HS6ST3: variants seen among roughly 807,000 people sequenced by gnomAD.
The protein encoded by HS6ST3 is heparan sulfate 6-O-sulfotransferase 3.
HS6ST3 carries 12 observed loss-of-function variants against 36.7 expected under a neutral mutation model. That is an observed-to-expected ratio of 0.33 (90% CI 0.21 to 0.53). The LOEUF is 0.53. Among genes scored for constraint, HS6ST3 ranks in the 20% least tolerant of loss-of-function variants. The pLI is 0.95. For synonymous variants in HS6ST3, 240 were observed against 257.5 expected (o/e 0.93, Z 0.65); for missense variants, 584 against 640.9 (o/e 0.91, Z 0.96).
chr13:96,658,257 C>CTCTTCT (rs1359185452), intron 1 of HS6ST3, among the ~76,000 whole-genome samples: 20 of 103,470 alleles, frequency 1.9e-4, no homozygotes, highest in South Asian at 1.8e-3. Context: ...TCTTCTTCTT[C>CTCTTCT]TCTTCTTCTT....
At chr13:96,159,497 T>A (rs1171502836) in intron 1 of HS6ST3, among the ~76,000 whole-genome samples, 1 of 152,180 alleles carries the variant, frequency 6.6e-6, no homozygotes, top group Admixed American at 6.5e-5. Flanking sequence ...GAATTCCGGG[T>A]CACATCTTTC....
At chr13:96,573,861 C>T in intron 1 of HS6ST3, 1 of 452,914 alleles carries the variant, frequency 2.2e-6, no homozygotes, top group Non-Finnish European at 4.3e-6. Flanking sequence ...ACGAATGAAT[C>T]CAGCATCAGG....
At chr13:96,634,381 A>T (rs1161850509) in intron 1 of HS6ST3, among the ~76,000 whole-genome samples, 2 of 152,160 alleles carry the variant, frequency 1.3e-5, no homozygotes, top group Admixed American at 6.5e-5. Context: ...TTGTGTCACC[A>T]GTACTAAATA....
chr13:96,463,191 A>C (rs1280697294), intron 1 of HS6ST3, among the ~76,000 whole-genome samples: 1 of 152,196 alleles, frequency 6.6e-6, no homozygotes, highest in Non-Finnish European at 1.5e-5. Flanking sequence ...GACACCCAAG[A>C]AGAAGCTGAA....
chr13:96,648,161 C>A (rs1335123395), intron 1 of HS6ST3, among the ~76,000 whole-genome samples: 2 of 152,020 alleles, frequency 1.3e-5, no homozygotes, highest in African/African-American at 4.8e-5. Flanking sequence ...GCAAATGCTA[C>A]AAATTACAGT....
chr13:96,210,114 C>A (rs1473885094), intron 1 of HS6ST3, among the ~76,000 whole-genome samples: 2 of 152,104 alleles, frequency 1.3e-5, no homozygotes, highest in African/African-American at 4.8e-5. Context: ...TTTTTTCCCC[C>A]TATGTGTACT....
At chr13:96,808,997 G>A (rs574544865) in intron 1 of HS6ST3, among the ~76,000 whole-genome samples, 108 of 152,232 alleles carry the variant, frequency 7.1e-4, no homozygotes, top group Middle Eastern at 3.4e-3. Flanking sequence ...TGAAATGATG[G>A]CATTACCCTC....
At chr13:96,778,322 A>G (rs536807284) in intron 1 of HS6ST3, among the ~76,000 whole-genome samples, 1 of 152,382 alleles carries the variant, frequency 6.6e-6, no homozygotes, top group South Asian at 2.1e-4. Context: ...AAATTGACAA[A>G]TGGGATCTAA....
chr13:96,390,886 T>C lies in HS6ST3; in HGVS notation c.707+299317T>C, dbSNP rs561394770. Among the ~76,000 whole-genome samples the C allele has an allele frequency of 3.9e-5, 6 of 152,296 alleles. No individual in the cohort carries two copies. The South Asian group carries it at 1.2e-3, about 32-fold the overall frequency. On this transcript the variant is annotated intron_variant, in intron 1 of 1. Transcript: ENST00000376705. ...GGTTTCTTTACATCACCAAGTTATT[T>C]TTCTAAATTTCCAAACACTCCATAG...
At chr13:96,116,115 T>C (rs1016946773) in intron 1 of HS6ST3, among the ~76,000 whole-genome samples, 6 of 152,088 alleles carry the variant, frequency 3.9e-5, no homozygotes, top group African/African-American at 1.4e-4. Context: ...AACAAGACAA[T>C]AGAACAACAG....
At chr13:96,154,988 C>T (rs1224613756) in intron 1 of HS6ST3, among the ~76,000 whole-genome samples, 6 of 151,958 alleles carry the variant, frequency 3.9e-5, no homozygotes, top group African/African-American at 1.4e-4. Context: ...GTGTTCATCA[C>T]AATGTTATCT....
At chr13:96,543,432 G>T (rs1239019559) in intron 1 of HS6ST3, among the ~76,000 whole-genome samples, 1 of 152,140 alleles carries the variant, frequency 6.6e-6, no homozygotes, top group Admixed American at 6.6e-5. Context: ...CTTCACAGAT[G>T]CCCCTGCCCA....
intron 1 of HS6ST3, among the ~76,000 whole-genome samples, chr13:96,457,447 T>C (rs2055759569): frequency 6.6e-6 from 1 of 152,116 alleles, no homozygotes; most frequent in Non-Finnish European, 1.5e-5. Flanking sequence ...ATAAATGTGA[T>C]GCACAAAGTG....
intron 1 of HS6ST3, among the ~76,000 whole-genome samples, chr13:96,204,295 A>G (rs1389455566): frequency 6.6e-6 from 1 of 152,186 alleles, no homozygotes; most frequent in Admixed American, 6.5e-5. Context: ...TTAAATAAGA[A>G]GAGCTAACTA....
At chr13:96,607,146 A>G (rs553516089) in intron 1 of HS6ST3, among the ~76,000 whole-genome samples, 43 of 152,326 alleles carry the variant, frequency 2.8e-4, no homozygotes, top group African/African-American at 1.0e-3. Flanking sequence ...GAACATCAAA[A>G]CATTGTGATA....
intron 1 of HS6ST3, among the ~76,000 whole-genome samples, chr13:96,293,957 G>A (rs1378594664): frequency 6.6e-6 from 1 of 152,088 alleles, no homozygotes; most frequent in Admixed American, 6.6e-5. Context: ...GCATGGTGGT[G>A]GCAGTATCTT....
chr13:96,720,482 T>C (rs1461960179), intron 1 of HS6ST3, among the ~76,000 whole-genome samples: 3 of 152,110 alleles, frequency 2.0e-5, no homozygotes, highest in African/African-American at 4.8e-5. Flanking sequence ...TTTTGAGGCT[T>C]ATGGGGGTCG....
chr13:96,696,764 C>T (rs1459220165), intron 1 of HS6ST3, among the ~76,000 whole-genome samples: 1 of 152,120 alleles, frequency 6.6e-6, no homozygotes, highest in Non-Finnish European at 1.5e-5. Flanking sequence ...AGAATTAGGA[C>T]AGCCAACATG....
At chr13:96,384,238 A>T (rs2055356450) in intron 1 of HS6ST3, among the ~76,000 whole-genome samples, 1 of 152,026 alleles carries the variant, frequency 6.6e-6, no homozygotes, top group Admixed American at 6.5e-5. Flanking sequence ...ATAAAATCAC[A>T]TTTATTTTAT....
Sources: allele counts gnomAD v4.1 joint callset (sites outside exome capture counted in the v4.1 genomes callset), GRCh38; gene constraint gnomAD v4.1.1; transcripts MANE v1.5; gene names NCBI Gene and HGNC (gene_info 2026-07-23, HGNC 2026-07-21).